PLCL1: variants seen among roughly 807,000 people sequenced by gnomAD.
The protein encoded by PLCL1 is inactive phospholipase C-like protein 1.
PLCL1 carries 41 observed loss-of-function variants against 84.4 expected under a neutral mutation model. That is an observed-to-expected ratio of 0.49 (90% confidence interval 0.38 to 0.63). The LOEUF (loss-of-function observed/expected upper bound fraction) is 0.63. Ranked by LOEUF, PLCL1 falls within the 30% of genes least tolerant of loss-of-function variation. PLCL1 has a pLI of 0.00. For synonymous variants in PLCL1, 490 were observed against 488.3 expected (o/e 1.00, Z -0.05); for missense variants, 1,206 against 1,367.8 (o/e 0.88, Z 1.87).
intron 1 of PLCL1, among the ~76,000 whole-genome samples, chr2:197,968,724 T>G (rs1689797923): frequency 6.6e-6 from 1 of 152,226 alleles, no homozygotes; most frequent in South Asian, 2.1e-4. Flanking sequence ...ATTAAAATTG[T>G]TCTTCTGGAG....
At chr2:197,917,214 G>C (rs999214468) in intron 1 of PLCL1, among the ~76,000 whole-genome samples, 1 of 152,160 alleles carries the variant, frequency 6.6e-6, no homozygotes, top group Admixed American at 6.5e-5. Context: ...TGTTTTGACA[G>C]CTTTATTAAT....
chr2:197,853,428 AT>A (rs1405412566), intron 1 of PLCL1, among the ~76,000 whole-genome samples: 3 of 152,146 alleles, frequency 2.0e-5, no homozygotes, highest in Non-Finnish European at 4.4e-5. Flanking sequence ...TCTAGCTTTA[AT>A]TTTTTGAGGA....
At chr2:198,129,352 C>A (rs1694068027) in intron 5 of PLCL1, among the ~76,000 whole-genome samples, 1 of 152,200 alleles carries the variant, frequency 6.6e-6, no homozygotes. Context: ...CAACAACACC[C>A]CTTATCTTTG....
intron 1 of PLCL1, among the ~76,000 whole-genome samples, chr2:197,982,271 G>A (rs1271981307): frequency 6.6e-6 from 1 of 151,710 alleles, no homozygotes; most frequent in Admixed American, 6.6e-5. Flanking sequence ...GATGCAACTA[G>A]GAGCCCCTTT....
intron 1 of PLCL1, among the ~76,000 whole-genome samples, chr2:197,891,273 C>T (rs1485093890): frequency 1.3e-5 from 2 of 152,046 alleles, no homozygotes; most frequent in African/African-American, 4.8e-5. Flanking sequence ...ATGGAGTGAC[C>T]CCTTCTGTGT....
intron 3 of PLCL1, among the ~76,000 whole-genome samples, chr2:198,092,198 C>T (rs1169803666): frequency 2.0e-5 from 3 of 151,880 alleles, no homozygotes; most frequent in African/African-American, 7.3e-5. Flanking sequence ...CAGCTTGTCC[C>T]AGTCTCACCT....
At chr2:197,847,162 G>T (rs1044692088) in intron 1 of PLCL1, among the ~76,000 whole-genome samples, 1 of 152,094 alleles carries the variant, frequency 6.6e-6, no homozygotes, top group Non-Finnish European at 1.5e-5. Flanking sequence ...ATTGTCTGCA[G>T]GTACCAGCAT....
At chr2:197,956,396 T>C (rs1238079681) in intron 1 of PLCL1, among the ~76,000 whole-genome samples, 2 of 152,178 alleles carry the variant, frequency 1.3e-5, no homozygotes, top group Admixed American at 1.3e-4. Flanking sequence ...TGCATGTGTC[T>C]TTATAGTACA....
At chr2:197,923,368 GCT>G in intron 1 of PLCL1, among the ~76,000 whole-genome samples, 1 of 146,732 alleles carries the variant, frequency 6.8e-6, no homozygotes, top group South Asian at 2.2e-4. Flanking sequence ...AGACGGGGCA[GCT>G]GCCGGTCGGA....
chr2:197,826,923 G>A (rs1690941839), intron 1 of PLCL1, among the ~76,000 whole-genome samples: 1 of 152,014 alleles, frequency 6.6e-6, no homozygotes, highest in Non-Finnish European at 1.5e-5. Flanking sequence ...ATCCTCAGTT[G>A]CCCTTGCTAG....
chr2:198,013,283 G>A (rs189160129), intron 1 of PLCL1, among the ~76,000 whole-genome samples: 1 of 152,112 alleles, frequency 6.6e-6, no homozygotes, highest in Admixed American at 6.6e-5. Context: ...CCATTTTAAT[G>A]TTATCACTCC....
chr2:197,888,621 T>C (rs1408964363), intron 1 of PLCL1, among the ~76,000 whole-genome samples: 1 of 152,212 alleles, frequency 6.6e-6, no homozygotes, highest in Non-Finnish European at 1.5e-5. Flanking sequence ...ACATCATGCA[T>C]GTTAAAGTGC....
intron 1 of PLCL1, among the ~76,000 whole-genome samples, chr2:197,835,546 C>T (rs1691169450): frequency 6.6e-6 from 1 of 152,144 alleles, no homozygotes; most frequent in African/African-American, 2.4e-5. Context: ...AGTGCCAAAA[C>T]TTGATATCCA....
In PLCL1 at chr2:197,805,181, G is replaced by A; in HGVS notation, c.82G>A (p.Asp28Asn). 7.8e-7 allele frequency: 1 copy of A among 1,288,326 alleles called. No homozygotes were observed. Among genetic ancestry groups the A allele is most frequent in the South Asian group, 2.5e-5 (1 of 40,270 alleles). 79.8% of individuals were successfully genotyped at this position (1,288,326 alleles called of 1,614,324 possible). ...CGAAGACGACCCCCGAGTGGGCCCG[G>A]ATGCCGCCGGGGACTGCGTGACGGC... ...GGEDDPRVGPDAAGDCVTAAS... is the reference protein window; with the variant it reads ...GGEDDPRVGPNAAGDCVTAAS... Residue 28 changes from aspartate to asparagine, a missense_variant, in exon 1 of 6, where the codon GAT (aspartate) becomes AAT (asparagine). By Grantham distance (23) the Asp-to-Asn change is conservative. Coordinates refer to ENST00000428675, the MANE Select transcript of PLCL1 (RefSeq NM_006226.4). The surrounding 1 kb of genome is among the most constrained non-coding windows in gnomAD (Gnocchi z 4.0).
At chr2:197,886,454 T>TC (rs1687925387) in intron 1 of PLCL1, among the ~76,000 whole-genome samples, 6 of 90,532 alleles carry the variant, frequency 6.6e-5, no homozygotes, top group Admixed American at 2.6e-4. Context: ...AAAAAAAAAG[T>TC]AAAATTCTTC....
chr2:197,924,817 A>G (rs1688803607), intron 1 of PLCL1, among the ~76,000 whole-genome samples: 1 of 152,090 alleles, frequency 6.6e-6, no homozygotes, highest in Non-Finnish European at 1.5e-5. Context: ...CATTTCAGGT[A>G]TTACATCTAG....
At position 198,085,336 on chromosome 2, in the gene PLCL1, C is replaced by T. The variant is rs2105898391; in HGVS notation, c.1819C>T (p.Gln607Ter). The change falls in exon 2 of 6, where the codon CAA (glutamine) becomes TAA (stop). Residue 607 changes from glutamine to a stop codon, truncating the protein, a stop_gained. Coordinates refer to ENST00000428675, the MANE Select transcript of PLCL1 (RefSeq NM_006226.4). LOFTEE classifies it high-confidence loss of function. This position sits in a 1 kb window ranked among gnomAD's most constrained non-coding sequence, Gnocchi z 5.3. ...GGATTTTGAACTATCTATGAAAAGC[C>T]AAAACTATTGGGAAATGTGTTCATT... is the stretch of plus-strand genomic sequence containing the variant. ...YRDFELSMKS[Q>*]NYWEMCSFSE... The T allele has an allele frequency of 6.2e-7, 1 of 1,613,290 alleles. No homozygotes were observed. Among genetic ancestry groups the T allele is most frequent in the East Asian group, 2.2e-5 (1 of 44,860 alleles).
intron 1 of PLCL1, 158 bp from the exon 2 acceptor site, chr2:198,083,600 A>G: frequency 3.6e-6 from 2 of 558,802 alleles, no homozygotes; most frequent in East Asian, 6.1e-5. Flanking sequence ...TTTCTTAGCA[A>G]TTTCTCTTTT....
chr2:197,968,739 T>C (rs1479319158), intron 1 of PLCL1, among the ~76,000 whole-genome samples: 2 of 152,194 alleles, frequency 1.3e-5, no homozygotes, highest in Admixed American at 1.3e-4. Flanking sequence ...CTGGAGACTA[T>C]CTTTGGTTTT....
Sources: gnomAD v4.1 joint callset for allele counts (sites outside exome capture counted in the v4.1 genomes callset) on GRCh38, gnomAD v4.1.1 for gene constraint, Gnocchi (gnomAD v3.1) non-coding constraint, MANE v1.5 for transcripts, NCBI Gene and HGNC (gene_info 2026-07-23, HGNC 2026-07-21) for gene names.